Variants in SLC14A2 observed in about 807,000 individuals in gnomAD.
SLC14A2 encodes urea transporter 2.
Under a neutral mutation model 104.6 loss-of-function variants are expected in SLC14A2, and 91 were observed. The ratio of observed to expected loss-of-function variants is 0.87; its 90% CI spans 0.73 to 1.04. SLC14A2 has a LOEUF of 1.04. Among genes scored for constraint, SLC14A2 ranks in the 50% least tolerant of loss-of-function variants. The pLI is 0.00. For missense variants in SLC14A2, 1,189 were observed against 1,156.0 expected, an observed-to-expected ratio of 1.03 and a Z score of -0.41; for synonymous variants, 476 against 466.4, an observed-to-expected ratio of 1.02 and a Z score of -0.27.
At chr18:45,345,441 C>G (rs559081254) in intron 1 of SLC14A2, among the ~76,000 whole-genome samples, 8 of 152,174 alleles carry the variant, frequency 5.3e-5, no homozygotes, top group African/African-American at 1.9e-4. Flanking sequence ...GAAGCCTTCT[C>G]AGATCATGCC....
chr18:45,434,875 T>C (rs200602884), intron 1 of SLC14A2, among the ~76,000 whole-genome samples: 1 of 152,228 alleles, frequency 6.6e-6, no homozygotes, highest in Admixed American at 6.5e-5. Flanking sequence ...TTTTAAACTT[T>C]AAAATTGTTT....
intron 18 of SLC14A2, among the ~76,000 whole-genome samples, chr18:45,678,105 C>T (rs892045262): frequency 2.0e-5 from 3 of 152,146 alleles, no homozygotes; most frequent in South Asian, 4.1e-4. Context: ...AGACGTGAGC[C>T]GCCACTCCCA....
chr18:45,515,211 G>C (rs531923351), intron 2 of SLC14A2, among the ~76,000 whole-genome samples: 1 of 152,322 alleles, frequency 6.6e-6, no homozygotes, highest in East Asian at 1.9e-4. Flanking sequence ...TCAAGTGTTT[G>C]TAATACAACT....
chr18:45,183,844 C>A, the SLC14A2 span, among the ~76,000 whole-genome samples: 1 of 151,342 alleles, frequency 6.6e-6, no homozygotes, highest in East Asian at 1.9e-4. Flanking sequence ...AAGCTATCCA[C>A]CTCTCAGCCT....
At chr18:45,622,417 G>A (rs536901230) in intron 1 of SLC14A2, among the ~76,000 whole-genome samples, 1 of 152,302 alleles carries the variant, frequency 6.6e-6, no homozygotes, top group Admixed American at 6.5e-5. Flanking sequence ...GCAACATGAT[G>A]AGTTGTTTTG....
chr18:45,639,893 G>A lies in SLC14A2; in HGVS notation c.991G>A (p.Ala331Thr), dbSNP rs144546643. ...TGGCTCAATCGTGGGGCTGCTAGCAGGTAGGACAGAGCTCCCTCTCTTCAG... is the reference window on the plus strand; with the variant it reads ...TGGCTCAATCGTGGGGCTGCTAGCAAGTAGGACAGAGCTCCCTCTCTTCAG... ...AIGSIVGLLAALSVATPFETI... is the reference protein window; with the variant it reads ...AIGSIVGLLATLSVATPFETI... The change falls in exon 7 of 20, where the codon GCC becomes ACC. Residue 331 changes from alanine (A) to threonine (T), a missense_variant and splice_region_variant. Coordinates refer to ENST00000255226, the MANE Select transcript of SLC14A2 (RefSeq NM_007163.4). The A allele has an allele frequency of 5.6e-6, 9 of 1,612,682 alleles. No homozygotes were observed. Among genetic ancestry groups the A allele is most frequent in the Admixed American group, 1.7e-5 (1 of 59,962 alleles).
rs2086770069 is a variant in SLC14A2, at chr18:45,446,389, C to A, written c.-124-36844C>A. Among the ~76,000 whole-genome samples, 4 of 152,258 alleles carry A rather than the reference C, an allele frequency of 2.6e-5. No homozygotes were observed. The South Asian group carries it at 6.2e-4, about 24-fold the overall frequency. On this transcript the variant is annotated intron_variant, in intron 1 of 20. Coordinates refer to the SLC14A2 transcript ENST00000586448. ...TTATAAGAAGAGAAAAAGACCAGAG[C>A]TCTCTCTTTCCACCACATAAGAACA... is the stretch of plus-strand genomic sequence containing the variant.
chr18:45,519,809 G>A (rs539116308), intron 2 of SLC14A2, among the ~76,000 whole-genome samples: 3 of 152,270 alleles, frequency 2.0e-5, no homozygotes, highest in African/African-American at 7.2e-5. Flanking sequence ...CTGTGGTTTA[G>A]CAGCCCTTTG....
At chr18:45,329,583 GT>G (rs147668708) in intron 1 of SLC14A2, among the ~76,000 whole-genome samples, 7 of 152,094 alleles carry the variant, frequency 4.6e-5, no homozygotes, top group Admixed American at 6.5e-5. Context: ...AGAATGAAAG[GT>G]TTTTTTTCCC....
At chr18:45,415,651 G>A (rs956423038) in intron 1 of SLC14A2, among the ~76,000 whole-genome samples, 1 of 152,084 alleles carries the variant, frequency 6.6e-6, no homozygotes, top group Non-Finnish European at 1.5e-5. Context: ...GGGTCAAAAA[G>A]CCAGGTGGCC....
intron 19 of SLC14A2, 76 bp from the exon 20 acceptor site, chr18:45,682,243 A>G: frequency 7.9e-7 from 1 of 1,266,844 alleles, no homozygotes; most frequent in South Asian, 1.2e-5. Flanking sequence ...CCAGGGCTGT[A>G]GGTGATTGAT....
intron 1 of SLC14A2, among the ~76,000 whole-genome samples, chr18:45,316,007 C>T (rs903927518): frequency 2.6e-5 from 4 of 152,192 alleles, no homozygotes; most frequent in Admixed American, 2.0e-4. Context: ...TTTCTCTGTG[C>T]CTCCTCTCTG....
intron 2 of SLC14A2, among the ~76,000 whole-genome samples, chr18:45,566,478 C>T (rs1203867108): frequency 2.0e-5 from 3 of 151,494 alleles, no homozygotes; most frequent in Non-Finnish European, 4.4e-5. Context: ...CTCTCCCTGT[C>T]GTCACCCTCG....
intron 1 of SLC14A2, among the ~76,000 whole-genome samples, chr18:45,236,692 C>A (rs762877786): frequency 6.6e-6 from 1 of 151,612 alleles, no homozygotes; most frequent in Non-Finnish European, 1.5e-5. Context: ...GATTCCATAT[C>A]TTAGCTATTA....
chr18:45,195,982 G>A, the SLC14A2 span, among the ~76,000 whole-genome samples: 6 of 152,160 alleles, frequency 3.9e-5, no homozygotes, highest in Admixed American at 2.6e-4. Flanking sequence ...GCACAGCCAC[G>A]TGGTGGAAGA....
intron 10 of SLC14A2, among the ~76,000 whole-genome samples, chr18:45,652,841 T>C (rs915034060): frequency 9.2e-5 from 14 of 152,196 alleles, no homozygotes; most frequent in African/African-American, 3.1e-4. Context: ...CTAGTGTTTG[T>C]GACAGATACT....
At position 45,254,891 on chromosome 18, in the gene SLC14A2, C is replaced by G. The variant is rs182271179; in HGVS notation, c.-125+41700C>G. Among the ~76,000 whole-genome samples, 89 of 152,266 alleles carry G rather than the reference C, an allele frequency of 5.8e-4. 1 individual carries two copies. Among genetic ancestry groups the G allele is most frequent in the African/African-American group, 1.9e-3 (77 of 41,570 alleles). On this transcript the variant is annotated intron_variant, in intron 1 of 20. Coordinates refer to the SLC14A2 transcript ENST00000586448. ...TGCCAAACCAGAGGGAAGGACTTCC[C>G]AACCCTTCCCTGGGGCAGGCCTGGG... is the stretch of plus-strand genomic sequence containing the variant.
At chr18:45,486,479 T>C (rs1241332668) in intron 2 of SLC14A2, among the ~76,000 whole-genome samples, 1 of 152,208 alleles carries the variant, frequency 6.6e-6, no homozygotes, top group Non-Finnish European at 1.5e-5. Context: ...CTACCATTTT[T>C]CACAAATTAT....
intron 1 of SLC14A2, among the ~76,000 whole-genome samples, chr18:45,370,273 TC>T (rs1380952597): frequency 6.6e-6 from 1 of 152,000 alleles, no homozygotes; most frequent in East Asian, 1.9e-4. Flanking sequence ...AGTTTTTTCT[TC>T]CCCCAAGAGA....
Sources: gnomAD v4.1 joint callset for allele counts (sites outside exome capture counted in the v4.1 genomes callset) on GRCh38, gnomAD v4.1.1 for gene constraint, MANE v1.5 for transcripts, NCBI Gene and HGNC (gene_info 2026-07-23, HGNC 2026-07-21) for gene names.